Variants in CHST12 observed in about 807,000 individuals in gnomAD.
CHST12 encodes carbohydrate sulfotransferase 12.
A neutral mutation model predicts 27.9 loss-of-function variants in CHST12; 23 were observed. The observed-to-expected ratio is 0.82, with a 90% confidence interval of 0.59 to 1.17. CHST12 has a LOEUF of 1.17. CHST12 is among the 50% of genes most tolerant of loss of function. CHST12 has a pLI of 0.00. For missense variants in CHST12, 682 were observed against 603.0 expected (o/e 1.13, Z -1.37); for synonymous variants, 322 against 273.0 (o/e 1.18, Z -1.77).
In CHST12 at chr7:2,413,091, G is replaced by T. The variant is rs76984141; in HGVS notation, c.-78+9418G>T. 4.3e-3 allele frequency among the ~76,000 whole-genome samples: 648 copies of T among 152,196 alleles called. 1 individual carries two copies. The highest frequency in any genetic ancestry group is 0.015 in the African/African-American group (603 of 41,520). On this transcript the variant is annotated intron_variant, in intron 1 of 1. Transcript: ENST00000618655. ...TGTGTTTTCTCATTTTTGTGCTCTC[G>T]GTAGCTCTGGTTAGCAGAAAGGCCT...
chr7:2,408,029 T>C (rs1280623694), intron 1 of CHST12, among the ~76,000 whole-genome samples: 1 of 151,878 alleles, frequency 6.6e-6, no homozygotes, highest in African/African-American at 2.4e-5. Context: ...AGGGGAAGGA[T>C]TTATTTGAAA....
chr7:2,434,733 C>T lies in CHST12; in HGVS notation c.*849C>T, dbSNP rs185082200. 1 of 151,902 alleles carries T rather than the reference C, an allele frequency of 6.6e-6. No homozygotes were observed. The highest frequency in any genetic ancestry group is 2.4e-5 in the African/African-American group (1 of 41,296). 9.4% of individuals were successfully genotyped at this position (151,902 alleles called of 1,614,324 possible). ...AGTGAGCTGAGATCGCGACATTGCA[C>T]TCTAGCCTGGGTGACAGAGTGAGAT... On this transcript the variant is annotated 3_prime_UTR_variant, in exon 2 of 2. Transcript: ENST00000618655.
intron 1 of CHST12, among the ~76,000 whole-genome samples, chr7:2,422,866 CTTTTT>C (rs576927497): frequency 2.3e-4 from 32 of 136,920 alleles, no homozygotes; most frequent in Admixed American, 1.4e-3. Context: ...TTCAGAAAAC[CTTTTT>C]TTTTTTTTTT....
chr7:2,409,478 G>T (rs2115385821), intron 1 of CHST12, among the ~76,000 whole-genome samples: 1 of 152,176 alleles, frequency 6.6e-6, no homozygotes, highest in South Asian at 2.1e-4. Flanking sequence ...AGCCAGACAT[G>T]GTGGCCTGTG....
chr7:2,418,188 C>T (rs1023847255), intron 1 of CHST12, among the ~76,000 whole-genome samples: 6 of 152,256 alleles, frequency 3.9e-5, no homozygotes. Context: ...GAGTCTGCCC[C>T]TGGCTTCATG....
At position 2,421,425 on chromosome 7, in the gene CHST12, G is replaced by T. The variant is rs1371631934; in HGVS notation, c.-77-11138G>T. On this transcript the variant is annotated intron_variant, in intron 1 of 1. Transcript: ENST00000618655. Reference sequence around the variant, plus strand: ...CATGCCTGGCTAGTTTTTTAGTTTGGTTTTTTTTTTTACTTTTTTTTTTTT... The same window carrying T: ...CATGCCTGGCTAGTTTTTTAGTTTGTTTTTTTTTTTTACTTTTTTTTTTTT... Among the ~76,000 whole-genome samples the T allele has an allele frequency of 6.9e-3, 885 of 127,370 alleles. 4 individuals carry two copies. Among genetic ancestry groups the T allele is most frequent in the Non-Finnish European group, 9.6e-3 (562 of 58,488 alleles). The allele number at this position is 127,370 out of a possible 152,430, so 83.6% of individuals were successfully genotyped here.
chr7:2,429,267 G>T (rs1782210983), intron 1 of CHST12, among the ~76,000 whole-genome samples: 1 of 152,190 alleles, frequency 6.6e-6, no homozygotes, highest in Admixed American at 6.5e-5. Flanking sequence ...ACAAGACAGG[G>T]TTTCGCCATG....
chr7:2,433,344 C>CA lies in CHST12; in HGVS notation c.707dup (p.Lys237GlufsTer158), dbSNP rs1456416858. ...CCCGCCACCTCATGAAGGTCAAGCTCAAGAAGTACACCAAGTTCCTCTTCG... is the reference window on the plus strand; with the variant it reads ...CCCGCCACCTCATGAAGGTCAAGCTCAAAGAAGTACACCAAGTTCCTCTTCG... On this transcript the variant is annotated frameshift_variant, in exon 2 of 2. Coordinates refer to ENST00000618655, the MANE Select transcript of CHST12 (RefSeq NM_018641.5). LOFTEE classifies it high-confidence loss of function. This position sits in a 1 kb window ranked among gnomAD's most constrained non-coding sequence, Gnocchi z 6.1. 1 of 1,612,344 alleles carries CA rather than the reference C, an allele frequency of 6.2e-7. No homozygotes were observed. Among genetic ancestry groups the CA allele is most frequent in the Non-Finnish European group, 8.5e-7 (1 of 1,179,952 alleles).
At chr7:2,415,959 C>G (rs1330077068) in intron 1 of CHST12, among the ~76,000 whole-genome samples, 1 of 152,204 alleles carries the variant, frequency 6.6e-6, no homozygotes, top group East Asian at 1.9e-4. Flanking sequence ...TTTATTGACT[C>G]TTACTTTTAC....
chr7:2,432,959 C>G lies in CHST12; in HGVS notation c.320C>G (p.Ser107Cys). 1.2e-6 allele frequency: 2 copies of G among 1,609,666 alleles called. No individual in the cohort carries two copies. Among genetic ancestry groups the G allele is most frequent in the Non-Finnish European group, 8.5e-7 (1 of 1,177,824 alleles). Residue 107 changes from serine (S) to cysteine (C), a missense_variant, in exon 2 of 2, where the codon TCC becomes TGC. By Grantham distance (112) the Ser-to-Cys change is moderately radical. Transcript: ENST00000618655. The part of the protein sequence containing the change: ...MEESVRGYDW[S>C]PRDARRSPDQ... ...GAGAGCGTGAGAGGCTACGACTGGT[C>G]CCCGCGCGACGCCCGGCGCAGCCCA...
At chr7:2,418,814 T>C (rs1275808917) in intron 1 of CHST12, among the ~76,000 whole-genome samples, 1 of 152,174 alleles carries the variant, frequency 6.6e-6, no homozygotes, top group Non-Finnish European at 1.5e-5. Flanking sequence ...TTTTGTTTTT[T>C]GGGATGTGGT....
intron 1 of CHST12, among the ~76,000 whole-genome samples, chr7:2,421,227 C>CTTT (rs60332594): frequency 2.2e-5 from 2 of 92,008 alleles, no homozygotes; most frequent in Non-Finnish European, 4.1e-5. Context: ...CCTGCTAATT[C>CTTT]TTTTTTTTTT....
chr7:2,412,298 G>C (rs1336651142), intron 1 of CHST12, among the ~76,000 whole-genome samples: 1 of 152,168 alleles, frequency 6.6e-6, no homozygotes, highest in African/African-American at 2.4e-5. Flanking sequence ...TTTTAATGTA[G>C]TACCACTGTG....
chr7:2,425,691 C>CT (rs760502452), intron 1 of CHST12, among the ~76,000 whole-genome samples: 3,831 of 137,822 alleles, frequency 0.028, 153 homozygotes, highest in African/African-American at 0.088. Context: ...ACTGCATTTG[C>CT]TTTTTTTTTT....
In CHST12 at chr7:2,432,881, G is replaced by A. The variant is rs1031672043; in HGVS notation, c.242G>A (p.Ser81Asn). The A allele has an allele frequency of 6.2e-7, 1 of 1,613,648 alleles. No homozygotes were observed. The highest frequency in any genetic ancestry group is 8.5e-7 in the Non-Finnish European group (1 of 1,179,898). The change falls in exon 2 of 2, where the codon AGC (serine) becomes AAC (asparagine). Residue 81 changes from serine to asparagine, a missense_variant. Physicochemically the swap from Ser to Asn is conservative, Grantham distance 46. Transcript: ENST00000618655. The part of the protein sequence containing the change: ...DKFLSAGVKQ[S>N]DLPRKETEQP... ...TTTCTCAGTGCTGGCGTGAAGCAGA[G>A]CGACCTTCCCAGAAAGGAGACGGAG... is the stretch of plus-strand genomic sequence containing the variant.
chr7:2,430,642 C>T (rs1019198113), intron 1 of CHST12, among the ~76,000 whole-genome samples: 12 of 150,896 alleles, frequency 8.0e-5, no homozygotes, highest in African/African-American at 2.7e-4. Context: ...TCAGTAGAGA[C>T]AGTTTCACCA....
intron 1 of CHST12, among the ~76,000 whole-genome samples, chr7:2,425,484 AAG>A (rs1367713892): frequency 6.6e-6 from 1 of 152,168 alleles, no homozygotes; most frequent in Non-Finnish European, 1.5e-5. Context: ...TCTAGAAAGA[AAG>A]AGATAGGATC....
At chr7:2,414,123 A>G (rs1192072662) in intron 1 of CHST12, among the ~76,000 whole-genome samples, 1 of 152,000 alleles carries the variant, frequency 6.6e-6, no homozygotes, top group Non-Finnish European at 1.5e-5. Context: ...TCTTTTGTGA[A>G]ACGTCTGTTC....
intron 1 of CHST12, among the ~76,000 whole-genome samples, chr7:2,427,154 C>T (rs557611514): frequency 7.3e-5 from 11 of 151,054 alleles, no homozygotes; most frequent in Middle Eastern, 3.4e-3. Context: ...CACTGCACTC[C>T]GGCCTGGGTG....
Sources: allele counts gnomAD v4.1 joint callset (sites outside exome capture counted in the v4.1 genomes callset), GRCh38; gene constraint gnomAD v4.1.1; non-coding constraint Gnocchi (gnomAD v3.1); transcripts MANE v1.5; gene names NCBI Gene and HGNC (gene_info 2026-07-23, HGNC 2026-07-21).